Variants in GRIK1 observed in about 807,000 individuals in gnomAD.
The protein encoded by GRIK1 is glutamate receptor ionotropic, kainate 1.
In GRIK1, 69 loss-of-function variants were observed where a neutral mutation model predicts 105.7. That is an observed-to-expected ratio of 0.65 (90% confidence interval 0.54 to 0.80). The LOEUF is 0.80. Among genes scored for constraint, GRIK1 ranks in the 30% least tolerant of loss-of-function variants. The probability of loss-of-function intolerance (pLI) is 0.00; values close to 1 mark genes in which losing one functional copy is unlikely to be tolerated. For synonymous variants in GRIK1, 438 were observed against 431.3 expected (o/e 1.02, Z -0.19); for missense variants, 1,109 against 1,167.3 (o/e 0.95, Z 0.73).
intron 1 of GRIK1, among the ~76,000 whole-genome samples, chr21:29,793,471 C>T (rs1323658240): frequency 6.6e-6 from 1 of 151,910 alleles, no homozygotes; most frequent in Non-Finnish European, 1.5e-5. Flanking sequence ...GTCTCTCTCT[C>T]CCACCCCCTA....
intron 1 of GRIK1, chr21:29,759,982 G>C (rs1233701593): frequency 1.3e-5 from 2 of 152,146 alleles, no homozygotes; most frequent in Non-Finnish European, 2.9e-5. Context: ...ACCATTTATT[G>C]GTTGTCCATA....
intron 1 of GRIK1, among the ~76,000 whole-genome samples, chr21:29,729,417 A>G (rs909293056): frequency 6.6e-6 from 1 of 152,178 alleles, no homozygotes; most frequent in Non-Finnish European, 1.5e-5. Flanking sequence ...CCTTTCATTT[A>G]GGAAGGACAT....
intron 1 of GRIK1, among the ~76,000 whole-genome samples, chr21:29,836,350 G>A (rs1450182449): frequency 6.6e-6 from 1 of 152,164 alleles, no homozygotes; most frequent in East Asian, 1.9e-4. Flanking sequence ...AAATGCTTAT[G>A]ATACACAGAG....
rs1329607421 is a variant in GRIK1, at chr21:29,548,187, A to G, written c.2607+6865T>C. Among the ~76,000 whole-genome samples, 19 of 152,104 alleles carry G rather than the reference A, an allele frequency of 1.2e-4. 1 individual carries two copies. The highest frequency in any genetic ancestry group is 1.2e-3 in the Admixed American group (18 of 15,260). On this transcript the variant is annotated intron_variant, in intron 16 of 17. Transcript: ENST00000327783. The stretch of plus-strand genomic sequence containing the variant: ...TGTATGCATTGCAACATGGACACAC[A>G]TTGTTGTGTACTTTGGGCCATTAGC...
intron 1 of GRIK1, among the ~76,000 whole-genome samples, chr21:29,796,890 A>G (rs967372169): frequency 2.6e-5 from 4 of 152,096 alleles, no homozygotes; most frequent in Non-Finnish European, 5.9e-5. Flanking sequence ...AAGAGGTTTC[A>G]GTGAGCTGAG....
intron 12 of GRIK1, 46 bp from the exon 13 acceptor site, chr21:29,581,589 C>A (rs781125765): frequency 1.8e-6 from 2 of 1,141,532 alleles, no homozygotes; most frequent in South Asian, 2.6e-5. Context: ...GAGAAACACA[C>A]AGGACACCAG....
chr21:29,672,640 G>A (rs1555867012), intron 4 of GRIK1, among the ~76,000 whole-genome samples: 1 of 152,052 alleles, frequency 6.6e-6, no homozygotes, highest in Non-Finnish European at 1.5e-5. Flanking sequence ...ATGAAATCTG[G>A]CACAGTCTTT....
chr21:29,796,302 C>A (rs550238973), intron 1 of GRIK1, among the ~76,000 whole-genome samples: 315 of 152,068 alleles, frequency 2.1e-3, no homozygotes, highest in Middle Eastern at 0.014. Flanking sequence ...TCTTTGAAGT[C>A]CCTAGTTAAT....
intron 1 of GRIK1, among the ~76,000 whole-genome samples, chr21:29,901,244 A>G (rs1275311016): frequency 6.6e-6 from 1 of 152,186 alleles, no homozygotes; most frequent in African/African-American, 2.4e-5. Context: ...AAAACTAGAG[A>G]AGCAAGAGCA....
At chr21:29,697,946 C>CTTTCTTTCT (rs2063739679) in intron 1 of GRIK1, among the ~76,000 whole-genome samples, 1 of 123,746 alleles carries the variant, frequency 8.1e-6, no homozygotes, top group Non-Finnish European at 1.6e-5. Flanking sequence ...TTCTTTCTTT[C>CTTTCTTTCT]TTTTTTCTTT....
At chr21:29,916,060 A>C (rs1400385792) in intron 1 of GRIK1, among the ~76,000 whole-genome samples, 2 of 151,940 alleles carry the variant, frequency 1.3e-5, no homozygotes, top group Non-Finnish European at 2.9e-5. Flanking sequence ...AGTTAATAAA[A>C]TATGTTCTTA....
intron 1 of GRIK1, among the ~76,000 whole-genome samples, chr21:29,736,245 A>C (rs922297682): frequency 6.6e-6 from 1 of 152,074 alleles, no homozygotes; most frequent in Non-Finnish European, 1.5e-5. Flanking sequence ...TTTGAGATAG[A>C]GTTTCTCTTT....
chr21:29,748,672 G>T (rs1310958678), intron 1 of GRIK1, among the ~76,000 whole-genome samples: 3 of 152,212 alleles, frequency 2.0e-5, no homozygotes, highest in Non-Finnish European at 4.4e-5. Flanking sequence ...GGATGAGATT[G>T]TGTGTTCTGG....
At chr21:29,691,659 C>T (rs1238932399) in intron 2 of GRIK1, among the ~76,000 whole-genome samples, 3 of 152,150 alleles carry the variant, frequency 2.0e-5, no homozygotes, top group African/African-American at 7.2e-5. Context: ...TTAGAACGGT[C>T]ATCAGATAAT....
intron 1 of GRIK1, among the ~76,000 whole-genome samples, chr21:29,845,210 T>C (rs902609844): frequency 6.6e-6 from 1 of 152,180 alleles, no homozygotes; most frequent in African/African-American, 2.4e-5. Context: ...CTTGGAATTA[T>C]TTTTTCTCCT....
chr21:29,674,888 G>C (rs2254136), intron 3 of GRIK1, among the ~76,000 whole-genome samples: 49,274 of 152,050 alleles, frequency 0.32, 12,799 homozygotes, highest in African/African-American at 0.73. Flanking sequence ...TAGAATAGTA[G>C]GCTTCCTGGA....
At chr21:29,709,353 T>G (rs1383771023) in intron 1 of GRIK1, among the ~76,000 whole-genome samples, 1 of 145,394 alleles carries the variant, frequency 6.9e-6, no homozygotes, top group Non-Finnish European at 1.5e-5. Context: ...CAATCTCAAC[T>G]CACTGAAACC....
rs189206403 is a variant in GRIK1, at chr21:29,658,315, C to T, written c.727-3452G>A. 1.8e-4 allele frequency among the ~76,000 whole-genome samples: 28 copies of T among 152,110 alleles called. 1 individual carries two copies. Among genetic ancestry groups the T allele is most frequent in the Admixed American group, 1.4e-3 (22 of 15,268 alleles). ...CTCATTCTGTCGCCCCAGGCTATAG[C>T]GCACTGGTACAATCTCGGCTCCCTG... is the stretch of plus-strand genomic sequence containing the variant. On this transcript the variant is annotated intron_variant, in intron 4 of 17. Coordinates refer to ENST00000327783, the MANE Select transcript of GRIK1 (RefSeq NM_001330994.2).
intron 16 of GRIK1, among the ~76,000 whole-genome samples, chr21:29,544,062 TAA>T (rs1244486394): frequency 1.3e-5 from 2 of 152,190 alleles, no homozygotes; most frequent in African/African-American, 4.8e-5. Context: ...ATCCTAGATT[TAA>T]GTTTCTCTGT....
Sources: allele counts gnomAD v4.1 joint callset (sites outside exome capture counted in the v4.1 genomes callset), GRCh38; gene constraint gnomAD v4.1.1; transcripts MANE v1.5; gene names NCBI Gene and HGNC (gene_info 2026-07-23, HGNC 2026-07-21).